Variants in XPO5 observed in about 807,000 individuals in gnomAD.
XPO5 encodes the protein exportin 5, also known as exportin-5.
XPO5 carries 46 observed loss-of-function variants against 160.6 expected under a neutral mutation model. The observed-to-expected ratio is 0.29, with a 90% CI of 0.23 to 0.37. The LOEUF (loss-of-function observed/expected upper bound fraction) is 0.37. XPO5 is among the 10% of genes least tolerant of loss of function. The pLI, the probability that XPO5 is intolerant of heterozygous loss-of-function variation, is 1.00. For missense variants in XPO5, 1,090 were observed against 1,463.9 expected, an observed-to-expected ratio of 0.74 and a Z score of 4.17; for synonymous variants, 537 against 519.3, an observed-to-expected ratio of 1.03 and a Z score of -0.46.
At chr6:43,531,345 A>G in intron 22 of XPO5, 134 bp downstream of exon 22, 1 of 783,512 alleles carries the variant, frequency 1.3e-6, no homozygotes. Flanking sequence ...TCTATTTAAC[A>G]CTAGAATGAT....
chr6:43,524,051 T>C (rs1793372705), intron 31 of XPO5, 46 bp from the exon 32 acceptor site: 3 of 1,595,636 alleles, frequency 1.9e-6, no homozygotes, highest in Non-Finnish European at 2.6e-6. Context: ...CCCTCAGTAG[T>C]AGTTAAAAGA....
At chr6:43,529,282 C>T (rs1793795086) in intron 23 of XPO5, 1 of 1,310,860 alleles carries the variant, frequency 7.6e-7, no homozygotes, top group South Asian at 1.2e-5. Context: ...GTGGCTCACA[C>T]CTGTAATCCC....
intron 21 of XPO5, among the ~76,000 whole-genome samples, chr6:43,532,020 G>A (rs927972483): frequency 2.6e-5 from 4 of 152,114 alleles, no homozygotes; most frequent in Admixed American, 6.5e-5. Context: ...GTAATCAGAG[G>A]TTTTACATTT....
intron 29 of XPO5, 54 bp downstream of exon 29, chr6:43,525,053 C>T (rs993931858): frequency 1.3e-6 from 2 of 1,576,862 alleles, no homozygotes; most frequent in South Asian, 2.3e-5. Flanking sequence ...TTTAGTCAGT[C>T]TGCATGACCC....
At chr6:43,575,142 T>C (rs1341587869) in intron 1 of XPO5, among the ~76,000 whole-genome samples, 1 of 152,186 alleles carries the variant, frequency 6.6e-6, no homozygotes, top group Non-Finnish European at 1.5e-5. Flanking sequence ...AAATGCAAAG[T>C]AAGTGGTAGA....
chr6:43,570,137 C>T (rs1246039926), intron 5 of XPO5, among the ~76,000 whole-genome samples: 1 of 149,278 alleles, frequency 6.7e-6, no homozygotes, highest in Non-Finnish European at 1.5e-5. Flanking sequence ...ATAGTGAAAC[C>T]CCGTCTCTAC....
intron 20 of XPO5, among the ~76,000 whole-genome samples, chr6:43,536,958 TTTTTG>T (rs924027019): frequency 2.7e-5 from 4 of 150,758 alleles, no homozygotes; most frequent in African/African-American, 9.8e-5. Context: ...GAATAATTGA[TTTTTG>T]TTTTGTTTTT....
intron 7 of XPO5, among the ~76,000 whole-genome samples, chr6:43,566,471 T>C (rs1762701101): frequency 6.6e-6 from 1 of 151,960 alleles, no homozygotes; most frequent in Non-Finnish European, 1.5e-5. Context: ...CATTTGTAGA[T>C]AATATTCCTA....
chr6:43,548,404 G>A lies in XPO5; in HGVS notation c.1917C>T (p.Leu639=), dbSNP rs772030069. 1.2e-6 allele frequency: 2 copies of A among 1,610,046 alleles called. No homozygotes were observed. The highest frequency in any genetic ancestry group is 2.2e-5 in the South Asian group (2 of 90,586). ...GGGCACACTTCTCCATTTGTGTCAGGAGTAGCTCATTGGAGAGGAGTTGCT... is the reference window on the plus strand; with the variant it reads ...GGGCACACTTCTCCATTTGTGTCAGAAGTAGCTCATTGGAGAGGAGTTGCT... ...HVKQLLSNEL[L]LTQMEKCALM... Residue 639 remains leucine, a synonymous_variant, in exon 18 of 32, where the codon CTC becomes CTT. Coordinates refer to ENST00000265351, the MANE Select transcript of XPO5 (RefSeq NM_020750.3).
At chr6:43,542,262 T>C (rs1468977432) in intron 20 of XPO5, among the ~76,000 whole-genome samples, 1 of 152,170 alleles carries the variant, frequency 6.6e-6, no homozygotes, top group African/African-American at 2.4e-5. Flanking sequence ...AAGTGCTCAA[T>C]AGTTTCATGT....
Position 43,528,187 on chromosome 6 carries a change from G to A in XPO5, c.2794C>T (p.Gln932Ter). ...YLHMRLSQKW[Q>*]VINQRSLLCG... ...AGCAGGCTCCTTTGGTTGATAACTTGCCATTTCTGAGAAAGCCTCTGGGAA... is the reference window on the plus strand; with the variant it reads ...AGCAGGCTCCTTTGGTTGATAACTTACCATTTCTGAGAAAGCCTCTGGGAA... The change falls in exon 25 of 32, where the codon CAA (glutamine) becomes TAA (stop). Residue 932 changes from glutamine (Q) to a stop codon, truncating the protein, a stop_gained. Transcript: ENST00000265351. LOFTEE classifies it high-confidence loss of function. The A allele has an allele frequency of 6.3e-7, 1 of 1,594,284 alleles. No individual in the cohort carries two copies. Among genetic ancestry groups the A allele is most frequent in the Admixed American group, 1.8e-5 (1 of 56,874 alleles).
chr6:43,542,110 T>C (rs2127721968), intron 20 of XPO5, among the ~76,000 whole-genome samples: 1 of 152,306 alleles, frequency 6.6e-6, no homozygotes, highest in South Asian at 2.1e-4. Context: ...GTGTATTTTA[T>C]ACTTACAGTT....
intron 20 of XPO5, among the ~76,000 whole-genome samples, chr6:43,543,180 A>G (rs1794787496): frequency 6.6e-6 from 1 of 152,192 alleles, no homozygotes; most frequent in Non-Finnish European, 1.5e-5. Flanking sequence ...AAGTCAGAAT[A>G]GTGGGCTGGG....
chr6:43,561,055 G>A (rs771493962), intron 9 of XPO5, 48 bp from the exon 10 acceptor site: 3 of 1,467,406 alleles, frequency 2.0e-6, no homozygotes, highest in Non-Finnish European at 2.9e-6. Flanking sequence ...AGAAAAGCAG[G>A]AGAGGAAAAA....
chr6:43,569,119 C>T (rs902133738), intron 5 of XPO5, among the ~76,000 whole-genome samples: 1 of 149,756 alleles, frequency 6.7e-6, no homozygotes, highest in African/African-American at 2.5e-5. Context: ...ATGGTGAAAC[C>T]CCATCTCTAC....
intron 12 of XPO5, among the ~76,000 whole-genome samples, chr6:43,557,426 A>AC (rs1762158022): frequency 6.8e-6 from 1 of 147,398 alleles, no homozygotes; most frequent in Non-Finnish European, 1.5e-5. Flanking sequence ...ACTCCATCTC[A>AC]AAAAAAAAAG....
chr6:43,556,205 T>C, intron 12 of XPO5: 2 of 426,804 alleles, frequency 4.7e-6, no homozygotes, highest in South Asian at 6.3e-5. Context: ...AAACTAAACT[T>C]AGTCTCCCAT....
Position 43,551,180 on chromosome 6 carries a change from T to C in XPO5, c.1728+118A>G, listed in dbSNP as rs1007274374. On this transcript the variant is annotated intron_variant, in intron 15 of 31. Transcript: ENST00000265351. ...GTGAGGTGTGAGGATCCCTTGAGAC[T>C]AGTAATTTGAGTCCAGCCTGGGCAA... 3 of 1,086,158 alleles carry C rather than the reference T, an allele frequency of 2.8e-6. No individual in the cohort carries two copies. In the African/African-American group the frequency reaches 4.8e-5, roughly 17 times the overall value. The allele number at this position is 1,086,158 out of a possible 1,614,324, so 67.3% of individuals were successfully genotyped here. A position where few individuals can be genotyped will look rare whatever the true frequency, so the allele number is the denominator to read the frequency against.
rs748882455 is a variant in XPO5 at position 43,524,445 on chromosome 6, A to G, written c.3477+26T>C. 3.1e-6 allele frequency: 5 copies of G among 1,606,670 alleles called. No homozygotes were observed. The South Asian group carries it at 5.5e-5, about 18-fold the overall frequency. ...CACATGATTTAAGAAGGGGGTTGGG[A>G]GCACTATTGAAGGTGCATGACCTAC... On this transcript the variant is annotated intron_variant, in intron 31 of 31. Coordinates refer to ENST00000265351, the MANE Select transcript of XPO5 (RefSeq NM_020750.3).
Sources: gnomAD v4.1 joint callset for allele counts (sites outside exome capture counted in the v4.1 genomes callset) on GRCh38, gnomAD v4.1.1 for gene constraint, MANE v1.5 for transcripts, NCBI Gene and HGNC (gene_info 2026-07-23, HGNC 2026-07-21) for gene names.